RAD54L2: variants seen among roughly 807,000 people sequenced by gnomAD.
RAD54L2 encodes the protein RAD54 like 2.
A neutral mutation model predicts 138.4 loss-of-function variants in RAD54L2; 27 were observed. That is an observed-to-expected ratio of 0.20 (90% CI 0.14 to 0.27). The LOEUF (loss-of-function observed/expected upper bound fraction) is 0.27. RAD54L2 is among the 10% of genes least tolerant of loss of function. RAD54L2 has a pLI of 1.00. For synonymous variants in RAD54L2, 644 were observed against 723.2 expected (o/e 0.89, Z 1.76); for missense variants, 1,396 against 1,890.2 (o/e 0.74, Z 4.85).
chr3:51,596,782 C>T (rs1046484863), intron 3 of RAD54L2, among the ~76,000 whole-genome samples: 6 of 152,152 alleles, frequency 3.9e-5, no homozygotes, highest in African/African-American at 1.4e-4. Context: ...TATCCTGAGC[C>T]ACCACCATCC....
intron 2 of RAD54L2, among the ~76,000 whole-genome samples, chr3:51,560,022 G>C (rs1699061673): frequency 6.6e-6 from 1 of 152,210 alleles, no homozygotes; most frequent in Admixed American, 6.5e-5. Context: ...ACAGCACAGA[G>C]CTGTGGATGC....
intron 2 of RAD54L2, among the ~76,000 whole-genome samples, chr3:51,569,958 G>A (rs1388386641): frequency 6.6e-6 from 1 of 151,454 alleles, no homozygotes; most frequent in Non-Finnish European, 1.5e-5. Context: ...TCACCTTCCT[G>A]AGTAGCTGGG....
In RAD54L2 at chr3:51,637,754, G is replaced by T. The variant is rs1209711556; in HGVS notation, c.1682+251G>T. 6.6e-6 allele frequency among the ~76,000 whole-genome samples: 1 copy of T among 152,224 alleles called. No homozygotes were observed. The highest frequency in any genetic ancestry group is 1.5e-5 in the Non-Finnish European group (1 of 68,050). ...GGTACTGGAGACACCTGTCTTACTT[G>T]CTGAGAGAAGCAAGAAAAAGGTACC... is the stretch of plus-strand genomic sequence containing the variant. On this transcript the variant is annotated intron_variant, in intron 11 of 22. Transcript: ENST00000684192. This position sits in a 1 kb window ranked among gnomAD's most constrained non-coding sequence, Gnocchi z 5.9.
intron 3 of RAD54L2, among the ~76,000 whole-genome samples, chr3:51,597,406 C>T (rs1699986684): frequency 6.6e-6 from 1 of 152,018 alleles, no homozygotes; most frequent in South Asian, 2.1e-4. Flanking sequence ...GTCAGTTTTA[C>T]TGGAAGATTG....
At chr3:51,555,675 C>T (rs146296659) in intron 2 of RAD54L2, among the ~76,000 whole-genome samples, 5 of 152,242 alleles carry the variant, frequency 3.3e-5, no homozygotes, top group Admixed American at 1.3e-4. Flanking sequence ...CCACCATCGG[C>T]ACATGTTATC....
intron 2 of RAD54L2, among the ~76,000 whole-genome samples, chr3:51,554,981 GAA>G (rs1698929137): frequency 6.6e-6 from 1 of 151,982 alleles, no homozygotes; most frequent in African/African-American, 2.4e-5. Context: ...TAGCTGGGAT[GAA>G]AGGTGTGTGC....
Position 51,638,363 on chromosome 3 carries a change from A to T in RAD54L2, c.1860+42A>T, listed in dbSNP as rs768684350. Reference sequence around the variant, plus strand: ...GGGAAGATTGAGATGGGGACTAAGGATACACATGGTCCCAAGGGAGTTACT... The same window carrying T: ...GGGAAGATTGAGATGGGGACTAAGGTTACACATGGTCCCAAGGGAGTTACT... On this transcript the variant is annotated intron_variant, in intron 12 of 22. Coordinates refer to ENST00000684192, the MANE Select transcript of RAD54L2 (RefSeq NM_015106.4). The surrounding 1 kb of genome is among the most constrained non-coding windows in gnomAD (Gnocchi z 4.3). The T allele has an allele frequency of 1.9e-6, 3 of 1,604,872 alleles. No individual in the cohort carries two copies. Among genetic ancestry groups the T allele is most frequent in the Non-Finnish European group, 2.6e-6 (3 of 1,173,230 alleles).
chr3:51,572,862 A>T (rs1172147764), intron 2 of RAD54L2, among the ~76,000 whole-genome samples: 2 of 151,700 alleles, frequency 1.3e-5, no homozygotes, highest in African/African-American at 2.4e-5. Flanking sequence ...CCGGTCTCGA[A>T]TTCCTGACCT....
In RAD54L2 at chr3:51,664,647, G is replaced by T. The variant is rs1176150096; in HGVS notation, c.*1227G>T. ...CCACTGGTGAAAAACAATCCTGGAT[G>T]GATGGTAAATTGACCAGGGGAAGAG... On this transcript the variant is annotated 3_prime_UTR_variant, in exon 23 of 23. Coordinates refer to ENST00000684192, the MANE Select transcript of RAD54L2 (RefSeq NM_015106.4). 1.3e-5 allele frequency: 2 copies of T among 152,128 alleles called. No individual in the cohort carries two copies. Among genetic ancestry groups the T allele is most frequent in the Non-Finnish European group, 2.9e-5 (2 of 68,020 alleles). The allele number at this position is 152,128 out of a possible 1,614,324, so 9.4% of individuals were successfully genotyped here. A position where few individuals can be genotyped will look rare whatever the true frequency, so the allele number is the denominator to read the frequency against.
Position 51,558,479 on chromosome 3 carries a change from T to TCTCTCTC in RAD54L2, c.-55+16829_-55+16830insCTCTCTC, listed in dbSNP as rs1553674875. ...TCCACTTCTCTCTCTCTCTCTCTCTTTTTTGAGACAGGGTCTTGCTTGCTG... is the reference window on the plus strand; with the variant it reads ...TCCACTTCTCTCTCTCTCTCTCTCTTCTCTCTCTTTTGAGACAGGGTCTTGCTTGCTG... On this transcript the variant is annotated intron_variant, in intron 2 of 22. Coordinates refer to ENST00000684192, the MANE Select transcript of RAD54L2 (RefSeq NM_015106.4). Among the ~76,000 whole-genome samples the TCTCTCTC allele has an allele frequency of 6.6e-5, 6 of 90,978 alleles. No homozygotes were observed. In the East Asian group the frequency reaches 2.8e-3, roughly 42 times the overall value. 59.7% of individuals were successfully genotyped at this position (90,978 alleles called of 152,430 possible). A position where few individuals can be genotyped will look rare whatever the true frequency, so the allele number is the denominator to read the frequency against.
At chr3:51,549,562 G>T (rs1410199720) in intron 2 of RAD54L2, among the ~76,000 whole-genome samples, 1 of 152,078 alleles carries the variant, frequency 6.6e-6, no homozygotes, top group African/African-American at 2.4e-5. Context: ...GAAATCACCT[G>T]AGGTCAGGAG....
chr3:51,612,411 G>T (rs1700351282), intron 3 of RAD54L2, among the ~76,000 whole-genome samples: 1 of 152,178 alleles, frequency 6.6e-6, no homozygotes, highest in African/African-American at 2.4e-5. Context: ...GTGGTGAGCT[G>T]AGATTGCACC....
chr3:51,597,923 C>T (rs1215950788), intron 3 of RAD54L2, among the ~76,000 whole-genome samples: 11 of 148,248 alleles, frequency 7.4e-5, no homozygotes, highest in Admixed American at 3.4e-4. Context: ...CACTGCACTC[C>T]AGCCTGGGCT....
At chr3:51,660,253 G>T in intron 22 of RAD54L2, 135 bp downstream of exon 22, 1 of 605,654 alleles carries the variant, frequency 1.7e-6, no homozygotes. Context: ...AAGAGGTAAA[G>T]TGAAAAGTAA....
In RAD54L2 at chr3:51,639,086, T is replaced by C. The variant is rs1701061729; in HGVS notation, c.1861-333T>C. 8 of 323,884 alleles carry C rather than the reference T, an allele frequency of 2.5e-5. No homozygotes were observed. In the South Asian group the frequency reaches 2.7e-4, roughly 11 times the overall value. 20.1% of individuals were successfully genotyped at this position (323,884 alleles called of 1,614,324 possible). A position where few individuals can be genotyped will look rare whatever the true frequency, so the allele number is the denominator to read the frequency against. Reference sequence around the variant, plus strand: ...TCTATAGTTTTATACAGTAGCAGACTGTAGCCACACTGTGAAACTGGAACA... The same window carrying C: ...TCTATAGTTTTATACAGTAGCAGACCGTAGCCACACTGTGAAACTGGAACA... On this transcript the variant is annotated intron_variant, in intron 12 of 22. Coordinates refer to ENST00000684192, the MANE Select transcript of RAD54L2 (RefSeq NM_015106.4).
rs544515840 is a variant in RAD54L2, at chr3:51,571,886, C to T, written c.-54-18481C>T. Among the ~76,000 whole-genome samples the T allele has an allele frequency of 3.3e-5, 5 of 152,120 alleles. No homozygotes were observed. In the South Asian group the frequency reaches 6.2e-4, roughly 19 times the overall value. ...CTTTTGGAAATAGAATTTTTCTGCA[C>T]TTCCTCTTACTTGCAAAATCTGTAG... On this transcript the variant is annotated intron_variant, in intron 2 of 22. Transcript: ENST00000684192.
intron 2 of RAD54L2, among the ~76,000 whole-genome samples, chr3:51,586,019 C>G (rs1699699895): frequency 6.6e-6 from 1 of 152,042 alleles, no homozygotes; most frequent in Admixed American, 6.6e-5. Context: ...ACCACCCCGC[C>G]CCCACCGCCA....
intron 2 of RAD54L2, among the ~76,000 whole-genome samples, chr3:51,546,184 C>A (rs528667871): frequency 1.3e-5 from 2 of 151,534 alleles, no homozygotes; most frequent in Non-Finnish European, 2.9e-5. Context: ...GGTGATCCCC[C>A]CTCCTCAGCC....
chr3:51,637,453 G>GCGGTAC lies in RAD54L2; in HGVS notation c.1636_1641dup (p.Tyr546_Arg547dup). The GCGGTAC allele has an allele frequency of 1.2e-6, 2 of 1,613,840 alleles. No homozygotes were observed. Among genetic ancestry groups the GCGGTAC allele is most frequent in the Non-Finnish European group, 1.7e-6 (2 of 1,179,826 alleles). ...GCACACCTCAGGACGTCCGCCTCATGCGGTACCGGAGCCATGTCCTGCACA... is the reference window on the plus strand; with the variant it reads ...GCACACCTCAGGACGTCCGCCTCATGCGGTACCGGTACCGGAGCCATGTCCTGCACA... On this transcript the variant is annotated inframe_insertion, in exon 11 of 23. Coordinates refer to ENST00000684192, the MANE Select transcript of RAD54L2 (RefSeq NM_015106.4). This position sits in a 1 kb window ranked among gnomAD's most constrained non-coding sequence, Gnocchi z 5.9.
Sources: allele counts gnomAD v4.1 joint callset (sites outside exome capture counted in the v4.1 genomes callset), GRCh38; gene constraint gnomAD v4.1.1; non-coding constraint Gnocchi (gnomAD v3.1); transcripts MANE v1.5; gene names NCBI Gene and HGNC (gene_info 2026-07-23, HGNC 2026-07-21).